Variants in ZBBX observed in about 807,000 individuals in gnomAD.
ZBBX encodes the protein zinc finger B-box domain-containing protein 1.
ZBBX carries 101 observed loss-of-function variants against 108.5 expected under a neutral mutation model. That is an observed-to-expected ratio of 0.93 (90% confidence interval 0.79 to 1.10). ZBBX has a LOEUF of 1.10. Among genes scored for constraint, ZBBX ranks in the 50% least tolerant of loss-of-function variants. The probability of loss-of-function intolerance (pLI) is 0.00; values close to 1 mark genes in which losing one functional copy is unlikely to be tolerated. For synonymous variants in ZBBX, 356 were observed against 323.4 expected (o/e 1.10, Z -1.08); for missense variants, 1,009 against 941.4 (o/e 1.07, Z -0.94).
At chr3:167,342,895 A>G (rs1740793968) in intron 9 of ZBBX, among the ~76,000 whole-genome samples, 1 of 151,680 alleles carries the variant, frequency 6.6e-6, no homozygotes, top group Admixed American at 6.6e-5. Context: ...GTATATGTAC[A>G]TGTCCAAATC....
chr3:167,181,835 T>C, the ZBBX span, among the ~76,000 whole-genome samples: 39,918 of 152,034 alleles, frequency 0.26, 5,305 homozygotes, highest in African/African-American at 0.29. Flanking sequence ...GTAATCCTAC[T>C]GTCCCCGCTG....
At position 167,313,970 on chromosome 3, in the gene ZBBX, T is replaced by C. The variant is rs1214217463; in HGVS notation, c.1417+4A>G. 1.3e-6 allele frequency: 2 copies of C among 1,570,162 alleles called. No homozygotes were observed. Among genetic ancestry groups the C allele is most frequent in the South Asian group, 2.4e-5 (2 of 82,084 alleles). On this transcript the variant is annotated splice_donor_region_variant and intron_variant, in intron 16 of 21. Coordinates refer to ENST00000675490, the MANE Select transcript of ZBBX (RefSeq NM_001199201.2). ...ATAATATCCAGCAACAAGAAAAATG[T>C]TACCTTTTGAATTATCTTTATAATA...
rs1483201524 is a variant in ZBBX at position 167,324,148 on chromosome 3, C to A, written c.863-1911G>T. On this transcript the variant is annotated intron_variant, in intron 11 of 21. Coordinates refer to ENST00000675490, the MANE Select transcript of ZBBX (RefSeq NM_001199201.2). Reference sequence around the variant, plus strand: ...GTGATAATGGAAAGCAAACAAAATTCTTTTTTTTTTCTTTGTGATAGGCTC... The same window carrying A: ...GTGATAATGGAAAGCAAACAAAATTATTTTTTTTTTCTTTGTGATAGGCTC... Among the ~76,000 whole-genome samples, 25 of 149,874 alleles carry A rather than the reference C, an allele frequency of 1.7e-4. No homozygotes were observed. The Admixed American group carries it at 1.7e-3, about 10-fold the overall frequency.
intron 10 of ZBBX, among the ~76,000 whole-genome samples, chr3:167,330,964 T>TCTCTCTCTCTCTCTCTCTCTCTCTCTCC (rs1310209358): frequency 7.5e-5 from 11 of 145,940 alleles, no homozygotes; most frequent in Non-Finnish European, 1.4e-4. Flanking sequence ...TCTCTCTCTC[T>TCTCTCTCTCTCTCTCTCTCTCTCTCTCC]CCCCCACTCC....
intron 8 of ZBBX, 137 bp downstream of exon 8, chr3:167,359,733 C>G (rs1302355900): frequency 2.6e-6 from 1 of 390,408 alleles, no homozygotes; most frequent in Non-Finnish European, 4.5e-6. Context: ...CCCACAGTAA[C>G]AGTAATGAAG....
At chr3:167,330,459 C>T (rs528289008) in intron 10 of ZBBX, among the ~76,000 whole-genome samples, 1 of 152,212 alleles carries the variant, frequency 6.6e-6, no homozygotes, top group East Asian at 1.9e-4. Context: ...TGAATTGCAT[C>T]ACCGTGCACA....
At chr3:167,332,265 A>G (rs1738762740) in intron 10 of ZBBX, among the ~76,000 whole-genome samples, 1 of 140,674 alleles carries the variant, frequency 7.1e-6, no homozygotes, top group Non-Finnish European at 1.5e-5. Flanking sequence ...ATCACTGAGG[A>G]GTTAAACACA....
chr3:167,328,090 T>C lies in ZBBX; in HGVS notation c.714A>G (p.Ala238=). 6.2e-7 allele frequency: 1 copy of C among 1,613,230 alleles called. No homozygotes were observed. The highest frequency in any genetic ancestry group is 8.5e-7 in the Non-Finnish European group (1 of 1,179,674). The change falls in exon 11 of 22, where the codon GCA becomes GCG. Residue 238 remains alanine (A), a synonymous_variant. Coordinates refer to ENST00000675490, the MANE Select transcript of ZBBX (RefSeq NM_001199201.2). ...SEVEITTMKR[A]QRTKPRKSLL... is the part of the protein sequence containing the mutation. ...GACTCTTTCTTGGTTTTGTACGTTGTGCTCTTTTCATCGTTGTAATTTCTA... is the reference window on the plus strand; with the variant it reads ...GACTCTTTCTTGGTTTTGTACGTTGCGCTCTTTTCATCGTTGTAATTTCTA...
chr3:167,314,220 A>G (rs1274031366), intron 15 of ZBBX, 104 bp from the exon 16 acceptor site: 3 of 905,988 alleles, frequency 3.3e-6, no homozygotes, highest in African/African-American at 3.4e-5. Flanking sequence ...TAAAACTTTA[A>G]TAGGGTTATT....
chr3:167,366,699 T>C, intron 5 of ZBBX: 1 of 374,760 alleles, frequency 2.7e-6, no homozygotes, highest in Non-Finnish European at 5.3e-6. Context: ...CAGAAAACAA[T>C]GTAACTATTC....
At chr3:167,305,270 T>C (rs1172204164) in intron 17 of ZBBX, among the ~76,000 whole-genome samples, 1 of 152,164 alleles carries the variant, frequency 6.6e-6, no homozygotes, top group East Asian at 1.9e-4. Context: ...TCTGCATTTA[T>C]TTCATTTTGA....
the ZBBX span, among the ~76,000 whole-genome samples, chr3:167,218,201 C>T: frequency 6.6e-6 from 1 of 151,922 alleles, no homozygotes. Flanking sequence ...ACAACAAACC[C>T]CCATGACATG....
intron 18 of ZBBX, among the ~76,000 whole-genome samples, chr3:167,290,387 C>G (rs1393507479): frequency 6.6e-6 from 1 of 152,196 alleles, no homozygotes; most frequent in East Asian, 1.9e-4. Context: ...GTTCTGCAGC[C>G]TCCGCTGGTG....
At chr3:167,218,489 A>C in the ZBBX span, among the ~76,000 whole-genome samples, 1 of 152,120 alleles carries the variant, frequency 6.6e-6, no homozygotes, top group Admixed American at 6.6e-5. Flanking sequence ...AATTGCCTTA[A>C]AGTGTAAAGT....
chr3:167,225,273 CTTA>C, the ZBBX span, among the ~76,000 whole-genome samples: 1 of 151,852 alleles, frequency 6.6e-6, no homozygotes, highest in Admixed American at 6.6e-5. Flanking sequence ...TGCTCCTACC[CTTA>C]TTTCTTAATT....
the ZBBX span, among the ~76,000 whole-genome samples, chr3:167,232,665 G>A: frequency 6.6e-6 from 1 of 151,776 alleles, no homozygotes; most frequent in African/African-American, 2.4e-5. Context: ...GCCTAGAGGG[G>A]AATTAGGTGT....
At chr3:167,218,650 A>G in the ZBBX span, among the ~76,000 whole-genome samples, 1 of 152,124 alleles carries the variant, frequency 6.6e-6, no homozygotes, top group Non-Finnish European at 1.5e-5. Flanking sequence ...AAAAAGCAAG[A>G]AAGTAAAGCA....
At chr3:167,242,249 T>C (rs1720804827) in intron 21 of ZBBX, among the ~76,000 whole-genome samples, 1 of 152,186 alleles carries the variant, frequency 6.6e-6, no homozygotes, top group African/African-American at 2.4e-5. Flanking sequence ...ATTATTATAT[T>C]CCAAATATCT....
At chr3:167,375,696 T>A (rs1263366417) in intron 2 of ZBBX, among the ~76,000 whole-genome samples, 1 of 151,936 alleles carries the variant, frequency 6.6e-6, no homozygotes, top group Admixed American at 6.6e-5. Context: ...GAGCAACTAT[T>A]TTTTTTTCAC....
Sources: allele counts gnomAD v4.1 joint callset (sites outside exome capture counted in the v4.1 genomes callset), GRCh38; gene constraint gnomAD v4.1.1; transcripts MANE v1.5; gene names NCBI Gene and HGNC (gene_info 2026-07-23, HGNC 2026-07-21).